Variants in FCGR3A observed in about 807,000 individuals in gnomAD.
FCGR3A encodes the protein low affinity immunoglobulin gamma Fc region receptor III-A.
A neutral mutation model predicts 24.1 loss-of-function variants in FCGR3A; 13 were observed. The observed-to-expected ratio is 0.54, with a 90% CI of 0.35 to 0.86. The LOEUF (loss-of-function observed/expected upper bound fraction) is 0.86. Among genes scored for constraint, FCGR3A ranks in the 40% least tolerant of loss-of-function variants. The pLI is 0.01. For synonymous variants in FCGR3A, 93 were observed against 112.2 expected, an observed-to-expected ratio of 0.83 and a Z score of 1.08; for missense variants, 235 against 298.0, an observed-to-expected ratio of 0.79 and a Z score of 1.56.
chr1:161,546,428 G>A (rs1677398427), intron 3 of FCGR3A, among the ~76,000 whole-genome samples: 1 of 152,018 alleles, frequency 6.6e-6, no homozygotes, highest in Non-Finnish European at 1.5e-5. Flanking sequence ...ATGACACACT[G>A]TGGACTGGAG....
chr1:161,550,063 T>A, upstream of FCGR3A: 1 of 599,378 alleles, frequency 1.7e-6, no homozygotes, highest in East Asian at 2.8e-5. Context: ...CCAGGATGCT[T>A]GCCCCATCTC....
chr1:161,546,497 G>C (rs1209051707), intron 3 of FCGR3A, among the ~76,000 whole-genome samples: 1 of 152,030 alleles, frequency 6.6e-6, no homozygotes, highest in Non-Finnish European at 1.5e-5. Context: ...TCTAGACATA[G>C]AAACATAAAT....
chr1:161,547,745 G>C (rs1021244283), intron 3 of FCGR3A, among the ~76,000 whole-genome samples: 1 of 152,260 alleles, frequency 6.6e-6, no homozygotes, highest in African/African-American at 2.4e-5. Flanking sequence ...AGGAGATTGA[G>C]GTCCTAACAC....
At position 161,544,708 on chromosome 1, in the gene FCGR3A, G is replaced by A. The variant is rs1323988295; in HGVS notation, c.570C>T (p.Ile190=). Residue 190 remains isoleucine, a synonymous_variant, in exon 4 of 5, where the codon ATC becomes ATT. Transcript: ENST00000443193. The part of the protein sequence containing the change: ...NVSSETVNIT[I]TQGLAVSTIS... ...GGGTGGCACATGTCTCACCTTGAGT[G>A]ATGGTGATGTTCACAGTCTCTGAAG... The A allele has an allele frequency of 6.2e-7, 1 of 1,611,458 alleles. No homozygotes were observed. The highest frequency in any genetic ancestry group is 8.5e-7 in the Non-Finnish European group (1 of 1,178,216).
chr1:161,550,118 C>T (rs1193048369), upstream of FCGR3A: 1 of 531,674 alleles, frequency 1.9e-6, no homozygotes. Context: ...CAGTGAGACC[C>T]TGGGGATGAG....
At chr1:161,550,287 C>T (rs1402498382), upstream of FCGR3A, among the ~76,000 whole-genome samples, 2 of 152,210 alleles carry the variant, frequency 1.3e-5, no homozygotes, top group African/African-American at 4.8e-5. Flanking sequence ...AGTGTCTCTG[C>T]CTCAATATTA....
intron 4 of FCGR3A, 81 bp downstream of exon 4, chr1:161,544,620 C>T: frequency 6.6e-7 from 1 of 1,520,686 alleles, no homozygotes; most frequent in Non-Finnish European, 8.9e-7. Context: ...TCAGGAATCT[C>T]CTCCCAACTC....
In FCGR3A at chr1:161,542,754, A is replaced by C. The variant is rs1677175415; in HGVS notation, c.*258T>G. On this transcript the variant is annotated 3_prime_UTR_variant, in exon 5 of 5. Coordinates refer to ENST00000443193, the MANE Select transcript of FCGR3A (RefSeq NM_000569.8). Reference sequence around the variant, plus strand: ...TTTGCTGTGAGGGAACGGTTGGGACAGAAAAAGTGTTTGTGTAGCTCTGAA... The same window carrying C: ...TTTGCTGTGAGGGAACGGTTGGGACCGAAAAAGTGTTTGTGTAGCTCTGAA... 5.6e-6 allele frequency: 2 copies of C among 358,530 alleles called. No individual in the cohort carries two copies. The highest frequency in any genetic ancestry group is 1.0e-5 in the Non-Finnish European group (2 of 196,816). 22.2% of individuals were successfully genotyped at this position (358,530 alleles called of 1,614,324 possible). A position where few individuals can be genotyped will look rare whatever the true frequency, so the allele number is the denominator to read the frequency against.
chr1:161,543,645 A>G (rs1677238134), intron 4 of FCGR3A, among the ~76,000 whole-genome samples: 1 of 152,026 alleles, frequency 6.6e-6, no homozygotes, highest in African/African-American at 2.4e-5. Flanking sequence ...ACCCAGATCC[A>G]CTCATTGTTT....
intron 1 of FCGR3A, among the ~76,000 whole-genome samples, chr1:161,549,274 G>A (rs1677624397): frequency 6.6e-6 from 1 of 151,512 alleles, no homozygotes; most frequent in Non-Finnish European, 1.5e-5. Flanking sequence ...TGCTCCCTGT[G>A]CAAACTCACA....
chr1:161,542,442 G>T lies in FCGR3A; in HGVS notation c.*570C>A, dbSNP rs1206562212. Reference sequence around the variant, plus strand: ...CATGATTTCCTGTTAATTCCACTACGGCTAATGTTCTAGGAAGACACCCTT... The same window carrying T: ...CATGATTTCCTGTTAATTCCACTACTGCTAATGTTCTAGGAAGACACCCTT... On this transcript the variant is annotated 3_prime_UTR_variant, in exon 5 of 5. Coordinates refer to ENST00000443193, the MANE Select transcript of FCGR3A (RefSeq NM_000569.8). The T allele has an allele frequency of 6.6e-6, 1 of 152,044 alleles. No individual in the cohort carries two copies. Among genetic ancestry groups the T allele is most frequent in the Non-Finnish European group, 1.5e-5 (1 of 68,010 alleles). The allele number at this position is 152,044 out of a possible 1,614,324, so 9.4% of individuals were successfully genotyped here.
rs1268749512 is a variant in FCGR3A at position 161,548,015 on chromosome 1, G to A, written c.319+406C>T. 2.0e-5 allele frequency among the ~76,000 whole-genome samples: 3 copies of A among 152,300 alleles called. No homozygotes were observed. In the South Asian group the frequency reaches 6.2e-4, roughly 31 times the overall value. The stretch of plus-strand genomic sequence containing the variant: ...AACCCAAGGGGGCAGAAGTTGCAGT[G>A]AGCTGAGATTGCCGCATTGCACTCC... On this transcript the variant is annotated intron_variant, in intron 3 of 4. Coordinates refer to ENST00000443193, the MANE Select transcript of FCGR3A (RefSeq NM_000569.8).
Position 161,543,072 on chromosome 1 carries a change from G to A in FCGR3A, c.705C>T (p.Ser235=), listed in dbSNP as rs769608788. The A allele has an allele frequency of 1.9e-6, 3 of 1,613,404 alleles. No individual in the cohort carries two copies. Among genetic ancestry groups the A allele is most frequent in the Non-Finnish European group, 2.5e-6 (3 of 1,179,634 alleles). ...LYFSVKTNIR[S]STRDWKDHKF... ...TATGGTCCTTCCAGTCTCTTGTTGAGCTTCGAATGTTTGTCTTCACAGAGA... is the reference window on the plus strand; with the variant it reads ...TATGGTCCTTCCAGTCTCTTGTTGAACTTCGAATGTTTGTCTTCACAGAGA... The change falls in exon 5 of 5, where the codon AGC becomes AGT. Residue 235 remains serine, a synonymous_variant. Coordinates refer to ENST00000443193, the MANE Select transcript of FCGR3A (RefSeq NM_000569.8).
At position 161,542,880 on chromosome 1, in the gene FCGR3A, A is replaced by G; in HGVS notation, c.*132T>C. The G allele has an allele frequency of 2.8e-6, 2 of 718,936 alleles. No homozygotes were observed. Among genetic ancestry groups the G allele is most frequent in the Non-Finnish European group, 4.5e-6 (2 of 443,278 alleles). The allele number at this position is 718,936 out of a possible 1,614,324, so 44.5% of individuals were successfully genotyped here. A position where few individuals can be genotyped will look rare whatever the true frequency, so the allele number is the denominator to read the frequency against. On this transcript the variant is annotated 3_prime_UTR_variant, in exon 5 of 5. Transcript: ENST00000443193. Reference sequence around the variant, plus strand: ...AGACCAAGGAAAAGTCGAGAGTTGGATAAGGGATCTGGCTCTGAGTTCTAT... The same window carrying G: ...AGACCAAGGAAAAGTCGAGAGTTGGGTAAGGGATCTGGCTCTGAGTTCTAT...
rs376334394 is a variant in FCGR3A at position 161,549,016 on chromosome 1, C to T, written c.56G>A (p.Arg19Gln). The T allele has an allele frequency of 4.9e-5, 78 of 1,595,508 alleles. 2 individuals carry two copies. Among genetic ancestry groups the T allele is most frequent in the Middle Eastern group, 1.7e-4 (1 of 5,982 alleles). ...AGACCATGAAGCTGACTCACCAGTCCGCATGCCAGCTGAAACTGCAAGAAA... is the reference window on the plus strand; with the variant it reads ...AGACCATGAAGCTGACTCACCAGTCTGCATGCCAGCTGAAACTGCAAGAAA... Reference protein sequence around the residue: ...ALLLLVSAGMRTEDLPKAVVF... With the variant: ...ALLLLVSAGMQTEDLPKAVVF... Residue 19 changes from arginine to glutamine, a missense_variant, in exon 2 of 5, where the codon CGG (arginine) becomes CAG (glutamine). By Grantham distance (43) the Arg-to-Gln change is conservative. Coordinates refer to ENST00000443193, the MANE Select transcript of FCGR3A (RefSeq NM_000569.8).
At position 161,542,969 on chromosome 1, in the gene FCGR3A, A is replaced by G; in HGVS notation, c.*43T>C. On this transcript the variant is annotated 3_prime_UTR_variant, in exon 5 of 5. Coordinates refer to ENST00000443193, the MANE Select transcript of FCGR3A (RefSeq NM_000569.8). ...GTTGCAAATCCAGAGAAATGTTCAGAGATGCTGCTGCTACTGCTCTTATTA... is the reference window on the plus strand; with the variant it reads ...GTTGCAAATCCAGAGAAATGTTCAGGGATGCTGCTGCTACTGCTCTTATTA... 3.3e-6 allele frequency: 5 copies of G among 1,501,604 alleles called. No homozygotes were observed. Among genetic ancestry groups the G allele is most frequent in the Non-Finnish European group, 3.6e-6 (4 of 1,100,038 alleles). The allele number at this position is 1,501,604 out of a possible 1,614,324, so 93.0% of individuals were successfully genotyped here.
chr1:161,547,743 G>C (rs1359961592), intron 3 of FCGR3A, among the ~76,000 whole-genome samples: 1 of 152,254 alleles, frequency 6.6e-6, no homozygotes, highest in East Asian at 1.9e-4. Flanking sequence ...GAAGGAGATT[G>C]AGGTCCTAAC....
Position 161,544,947 on chromosome 1 carries a change from G to A in FCGR3A, c.331C>T (p.Leu111Phe), listed in dbSNP as rs779402605. ...TTGAACACCCACCGAGGGGCCTGGA[G>A]CAACAGCCAGCCTGAAAGACACAGA... Reference protein sequence around the residue: ...QLEVHIGWLLLQAPRWVFKEE... With the variant: ...QLEVHIGWLLFQAPRWVFKEE... The change falls in exon 4 of 5, where the codon CTC becomes TTC. Residue 111 changes from leucine to phenylalanine, a missense_variant. Coordinates refer to ENST00000443193, the MANE Select transcript of FCGR3A (RefSeq NM_000569.8). The A allele has an allele frequency of 6.2e-7, 1 of 1,607,074 alleles. No homozygotes were observed. The highest frequency in any genetic ancestry group is 8.5e-7 in the Non-Finnish European group (1 of 1,174,474).
In FCGR3A at chr1:161,543,164, G is replaced by A. The variant is rs1677210862; in HGVS notation, c.613C>T (p.Pro205Ser). Residue 205 changes from proline to serine, a missense_variant, in exon 5 of 5, where the codon CCT (proline) becomes TCT (serine). Transcript: ENST00000443193. ...AAGCAGAAAGAGACTTGGTACCCAG[G>A]TGGAAAGAATGATGAGATGGTTGAC... The part of the protein sequence containing the change: ...AVSTISSFFP[P>S]GYQVSFCLVM... 3 of 1,613,312 alleles carry A rather than the reference G, an allele frequency of 1.9e-6. No homozygotes were observed. The South Asian group carries it at 3.3e-5, about 18-fold the overall frequency.
Sources: gnomAD v4.1 joint callset for allele counts (sites outside exome capture counted in the v4.1 genomes callset) on GRCh38, gnomAD v4.1.1 for gene constraint, MANE v1.5 for transcripts, NCBI Gene and HGNC (gene_info 2026-07-23, HGNC 2026-07-21) for gene names.